ZNF343: variants seen among roughly 807,000 people sequenced by gnomAD.
ZNF343 encodes the protein zinc finger protein 343.
A neutral mutation model predicts 13.8 loss-of-function variants in ZNF343; 11 were observed. The observed-to-expected ratio is 0.80, with a 90% CI of 0.50 to 1.32. ZNF343 has a LOEUF of 1.32. ZNF343 is among the 40% of genes most tolerant of loss of function. The pLI is 0.00. For synonymous variants in ZNF343, 248 were observed against 260.0 expected (o/e 0.95, Z 0.44); for missense variants, 658 against 714.2 (o/e 0.92, Z 0.90).
upstream of ZNF343, among the ~76,000 whole-genome samples, chr20:2,513,843 C>T (rs1600082786): frequency 6.6e-6 from 1 of 152,274 alleles, no homozygotes; most frequent in East Asian, 1.9e-4. Context: ...ACCTTGAAAA[C>T]ATTATGCTAA....
At chr20:2,498,358 A>C (rs1206493508) in intron 2 of ZNF343, among the ~76,000 whole-genome samples, 1 of 152,250 alleles carries the variant, frequency 6.6e-6, no homozygotes, top group Non-Finnish European at 1.5e-5. Flanking sequence ...CTCCGTCTCC[A>C]AAAAAATAAA....
intron 4 of ZNF343, 62 bp downstream of exon 4, chr20:2,493,457 G>C: frequency 7.0e-7 from 1 of 1,433,746 alleles, no homozygotes; most frequent in Non-Finnish European, 9.8e-7. Context: ...GAGAATATAT[G>C]TCTATTCTCT....
chr20:2,512,245 TCAAAG>T (rs2122750645), upstream of ZNF343, among the ~76,000 whole-genome samples: 1 of 152,350 alleles, frequency 6.6e-6, no homozygotes, highest in South Asian at 2.1e-4. Context: ...GCATTATTCC[TCAAAG>T]CAATCTACAG....
At chr20:2,506,618 A>G (rs966145258) in intron 1 of ZNF343, among the ~76,000 whole-genome samples, 2 of 152,238 alleles carry the variant, frequency 1.3e-5, no homozygotes, top group South Asian at 2.1e-4. Flanking sequence ...TGCAGCCATA[A>G]AAAATGATGA....
chr20:2,492,899 C>T, intron 4 of ZNF343, 74 bp from the exon 5 acceptor site: 2 of 1,584,188 alleles, frequency 1.3e-6, no homozygotes, highest in Admixed American at 1.8e-5. Context: ...CAGCTGGTGA[C>T]CCTGGAGAGC....
chr20:2,519,690 G>A (rs1018155827), intron 1 of ZNF343, among the ~76,000 whole-genome samples: 39 of 152,180 alleles, frequency 2.6e-4, no homozygotes, highest in Non-Finnish European at 5.4e-4. Flanking sequence ...GAACTCATTT[G>A]ACATAAACAG....
At chr20:2,495,193 T>A (rs1261307908) in intron 2 of ZNF343, among the ~76,000 whole-genome samples, 2 of 152,236 alleles carry the variant, frequency 1.3e-5, no homozygotes, top group Non-Finnish European at 2.9e-5. Context: ...AACCTGGCCA[T>A]CATACCATAT....
intron 1 of ZNF343, among the ~76,000 whole-genome samples, chr20:2,502,462 C>T (rs1410443352): frequency 2.0e-5 from 3 of 152,150 alleles, no homozygotes; most frequent in Non-Finnish European, 4.4e-5. Context: ...ATACAGAGAA[C>T]GCCACAAAGA....
upstream of ZNF343, among the ~76,000 whole-genome samples, chr20:2,513,827 GGAT>G (rs1479515328): frequency 1.3e-5 from 2 of 152,172 alleles, no homozygotes; most frequent in African/African-American, 4.8e-5. Flanking sequence ...GGTATAACAT[GGAT>G]GAACCTTGAA....
In ZNF343 at chr20:2,484,758, T is replaced by G. The variant is rs1038795164; in HGVS notation, c.305-102A>C. 7.6e-6 allele frequency: 8 copies of G among 1,054,642 alleles called. No homozygotes were observed. The African/African-American group carries it at 1.1e-4, about 15-fold the overall frequency. 65.3% of individuals were successfully genotyped at this position (1,054,642 alleles called of 1,614,324 possible). On this transcript the variant is annotated intron_variant, in intron 5 of 5. Transcript: ENST00000278772. ...AATGTTTTACTGCCATGCCTATAAT[T>G]GATAATATAAGTATAACACAATTTG...
In ZNF343 at chr20:2,518,721, C is replaced by T. The variant is rs2085770437; in HGVS notation, c.-347+5734G>A. 6.6e-6 allele frequency among the ~76,000 whole-genome samples: 1 copy of T among 152,194 alleles called. No homozygotes were observed. The highest frequency in any genetic ancestry group is 2.1e-4 in the South Asian group (1 of 4,828). ...CTATGCTCTGACAATCACCCACACA[C>T]CACCTACCTCTCCCCTGTAAACCAT... On this transcript the variant is annotated intron_variant, in intron 1 of 6. Transcript: ENST00000358413. The surrounding 1 kb of genome is among the most constrained non-coding windows in gnomAD (Gnocchi z 4.6).
At chr20:2,507,250 G>A (rs1306605271) in intron 1 of ZNF343, among the ~76,000 whole-genome samples, 1 of 142,916 alleles carries the variant, frequency 7.0e-6, no homozygotes, top group Non-Finnish European at 1.5e-5. Context: ...GGCAACAAGA[G>A]TGAAACTGTG....
upstream of ZNF343, among the ~76,000 whole-genome samples, chr20:2,510,513 G>C (rs1214962693): frequency 3.9e-5 from 6 of 152,118 alleles, no homozygotes; most frequent in Non-Finnish European, 7.3e-5. Flanking sequence ...GCCTTCTGAG[G>C]CTTCTCTGTT....
At chr20:2,523,838 G>A (rs994840425) in intron 1 of ZNF343, among the ~76,000 whole-genome samples, 10 of 151,728 alleles carry the variant, frequency 6.6e-5, no homozygotes, top group African/African-American at 2.2e-4. Flanking sequence ...CCACCACCAC[G>A]CCTGGCTAAG....
Position 2,483,403 on chromosome 20 carries a change from G to T in ZNF343, c.1558C>A (p.Pro520Thr), listed in dbSNP as rs757150871. ...CGCCCACATTCCCTGCAAATATAAG[G>T]CTTCTCATTTGAGTGCGTCCTCTGG... is the stretch of plus-strand genomic sequence containing the variant. ...RHQRTHSNEK[P>T]YICRECGRGF... is the part of the protein sequence containing the mutation. Residue 520 changes from proline (P) to threonine (T), a missense_variant, in exon 6 of 6, where the codon CCT becomes ACT. Physicochemically the swap from Pro to Thr is conservative, Grantham distance 38. Coordinates refer to ENST00000278772, the MANE Select transcript of ZNF343 (RefSeq NM_024325.6). 5.0e-6 allele frequency: 8 copies of T among 1,611,766 alleles called. No homozygotes were observed. The highest frequency in any genetic ancestry group is 1.7e-5 in the Admixed American group (1 of 59,584).
intron 1 of ZNF343, among the ~76,000 whole-genome samples, chr20:2,501,227 A>G (rs2085560055): frequency 6.6e-6 from 1 of 152,144 alleles, no homozygotes; most frequent in Admixed American, 6.5e-5. Flanking sequence ...CAGCAGTCTG[A>G]GATCAAACTG....
upstream of ZNF343, chr20:2,509,066 G>A (rs1378407978): frequency 6.6e-6 from 1 of 152,290 alleles, no homozygotes; most frequent in African/African-American, 2.4e-5. Context: ...TACCCATGTT[G>A]AAAACAGGTT....
Position 2,484,163 on chromosome 20 carries a change from C to T in ZNF343, c.798G>A (p.Lys266=), listed in dbSNP as rs756064448. 6.2e-7 allele frequency: 1 copy of T among 1,614,246 alleles called. No individual in the cohort carries two copies. The highest frequency in any genetic ancestry group is 1.1e-5 in the South Asian group (1 of 91,084). ...CACAATCACTGCAAATGTAGGGCTTCTTCCCTAAGAGGGTCCTCGGGTTTG... is the reference window on the plus strand; with the variant it reads ...CACAATCACTGCAAATGTAGGGCTTTTTCCCTAAGAGGGTCCTCGGGTTTG... ...FITNPRTLLG[K]KPYICSDCGR... is the part of the protein sequence containing the mutation. Residue 266 remains lysine, a synonymous_variant, in exon 6 of 6, where the codon AAG becomes AAA. Coordinates refer to ENST00000278772, the MANE Select transcript of ZNF343 (RefSeq NM_024325.6).
intron 1 of ZNF343, among the ~76,000 whole-genome samples, chr20:2,515,318 C>A (rs1339191446): frequency 6.6e-6 from 1 of 151,942 alleles, no homozygotes; most frequent in Admixed American, 6.6e-5. Context: ...CTTTTTTAGC[C>A]TCAATATATT....
Sources: allele counts gnomAD v4.1 joint callset (sites outside exome capture counted in the v4.1 genomes callset), GRCh38; gene constraint gnomAD v4.1.1; non-coding constraint Gnocchi (gnomAD v3.1); transcripts MANE v1.5; gene names NCBI Gene and HGNC (gene_info 2026-07-23, HGNC 2026-07-21).